LRCH1: variants seen among roughly 807,000 people sequenced by gnomAD.
LRCH1 encodes the protein leucine rich repeats and calponin homology domain containing 1.
Under a neutral mutation model 94.9 loss-of-function variants are expected in LRCH1, and 23 were observed. The ratio of observed to expected loss-of-function variants is 0.24; its 90% CI spans 0.17 to 0.34. The LOEUF (loss-of-function observed/expected upper bound fraction) is 0.34. Among genes scored for constraint, LRCH1 ranks in the 10% least tolerant of loss-of-function variants. The probability of loss-of-function intolerance (pLI) is 1.00; values close to 1 mark genes in which losing one functional copy is unlikely to be tolerated. For missense variants in LRCH1, 790 were observed against 945.9 expected (o/e 0.84, Z 2.16); for synonymous variants, 364 against 354.9 (o/e 1.03, Z -0.29).
chr13:46,722,516 G>A (rs1371802256), intron 16 of LRCH1, among the ~76,000 whole-genome samples: 1 of 152,226 alleles, frequency 6.6e-6, no homozygotes, highest in East Asian at 1.9e-4. Context: ...GGAAGGGCAT[G>A]TGTTTTCTCA....
intron 1 of LRCH1, among the ~76,000 whole-genome samples, chr13:46,621,752 G>A (rs1369651595): frequency 6.6e-6 from 1 of 152,186 alleles, no homozygotes; most frequent in Non-Finnish European, 1.5e-5. Flanking sequence ...AGTATAATAA[G>A]AGAGTTAGTA....
chr13:46,577,397 C>T (rs1192792072), intron 1 of LRCH1, among the ~76,000 whole-genome samples: 1 of 152,176 alleles, frequency 6.6e-6, no homozygotes, highest in Admixed American at 6.5e-5. Context: ...TGCACCTGGC[C>T]CCCAGTTCTT....
Position 46,743,597 on chromosome 13 carries a change from T to C in LRCH1, c.*1749T>C, listed in dbSNP as rs759337128. Reference sequence around the variant, plus strand: ...TTAATAAACACATTTTGGGTGATTATTCCAAGTTTTTATCAGCCCATTGAT... The same window carrying C: ...TTAATAAACACATTTTGGGTGATTACTCCAAGTTTTTATCAGCCCATTGAT... On this transcript the variant is annotated 3_prime_UTR_variant, in exon 20 of 20. Transcript: ENST00000389797. The C allele has an allele frequency of 4.9e-5, 48 of 985,600 alleles. No homozygotes were observed. The highest frequency in any genetic ancestry group is 5.7e-5 in the Non-Finnish European group (47 of 829,936). The allele number at this position is 985,600 out of a possible 1,614,324, so 61.1% of individuals were successfully genotyped here. A position where few individuals can be genotyped will look rare whatever the true frequency, so the allele number is the denominator to read the frequency against.
chr13:46,720,861 G>A (rs1482617778), intron 16 of LRCH1, among the ~76,000 whole-genome samples: 1 of 152,100 alleles, frequency 6.6e-6, no homozygotes, highest in Non-Finnish European at 1.5e-5. Flanking sequence ...ATTGCCTTAA[G>A]TTCTCTTATA....
intron 2 of LRCH1, among the ~76,000 whole-genome samples, chr13:46,667,274 G>A (rs2051529551): frequency 1.3e-5 from 2 of 152,080 alleles, no homozygotes; most frequent in African/African-American, 4.8e-5. Context: ...AGATTAGAAA[G>A]GTTCTTTCCA....
chr13:46,641,502 G>A (rs1276191889), intron 1 of LRCH1, among the ~76,000 whole-genome samples: 1 of 152,176 alleles, frequency 6.6e-6, no homozygotes, highest in Non-Finnish European at 1.5e-5. Flanking sequence ...GGAGTGTTAA[G>A]ATTCTGAAAG....
At chr13:46,560,603 C>G (rs1215160313) in intron 1 of LRCH1, among the ~76,000 whole-genome samples, 1 of 152,068 alleles carries the variant, frequency 6.6e-6, no homozygotes, top group East Asian at 1.9e-4. Context: ...AGTGAATAAT[C>G]TTTTTTAATG....
At chr13:46,738,555 T>G (rs1873501309) in intron 19 of LRCH1, among the ~76,000 whole-genome samples, 1 of 152,208 alleles carries the variant, frequency 6.6e-6, no homozygotes, top group South Asian at 2.1e-4. Context: ...GCTACTGTTT[T>G]TTTGTTTTAA....
chr13:46,638,986 T>A (rs1470634822), intron 1 of LRCH1, among the ~76,000 whole-genome samples: 1 of 152,238 alleles, frequency 6.6e-6, no homozygotes, highest in Admixed American at 6.5e-5. Context: ...TGTAATAGAC[T>A]GTTTCACGGT....
intron 1 of LRCH1, among the ~76,000 whole-genome samples, chr13:46,574,822 G>GTTTTTTTT (rs754195815): frequency 4.3e-5 from 3 of 69,410 alleles, no homozygotes; most frequent in African/African-American, 7.1e-5. Flanking sequence ...TGTGTGTGGG[G>GTTTTTTTT]TTTTTTTTTT....
intron 3 of LRCH1, among the ~76,000 whole-genome samples, chr13:46,679,216 A>G (rs941879387): frequency 3.3e-5 from 5 of 152,240 alleles, no homozygotes; most frequent in African/African-American, 1.2e-4. Context: ...GTATCTGGTC[A>G]TGAGTTCCAT....
chr13:46,713,543 G>T (rs1344164780), intron 15 of LRCH1, among the ~76,000 whole-genome samples: 1 of 152,226 alleles, frequency 6.6e-6, no homozygotes, highest in Non-Finnish European at 1.5e-5. Context: ...TGATTGATGG[G>T]TAACAAGTGG....
rs58801835 is a variant in LRCH1, at chr13:46,663,335, T to TTTG, written c.453-5679_453-5677dup. Among the ~76,000 whole-genome samples the TTTG allele has an allele frequency of 3.7e-3, 560 of 151,614 alleles. 9 individuals are homozygous for TTTG. Among genetic ancestry groups the TTTG allele is most frequent in the African/African-American group, 0.013 (535 of 41,362 alleles). ...TCACCAGGCAACTGAAAGCAAAGCT[T>TTTG]TTGTTGTTGTTGTTGTTGCTCATTG... On this transcript the variant is annotated intron_variant, in intron 2 of 19. Coordinates refer to ENST00000389797, the MANE Select transcript of LRCH1 (RefSeq NM_001164211.2).
intron 1 of LRCH1, among the ~76,000 whole-genome samples, chr13:46,582,594 C>T (rs1360638686): frequency 6.8e-6 from 1 of 147,558 alleles, no homozygotes; most frequent in Non-Finnish European, 1.5e-5. Context: ...AGGTGATCCT[C>T]CCACCTTAGC....
chr13:46,553,473 C>T lies in LRCH1; in HGVS notation c.77C>T (p.Pro26Leu). 1 of 1,548,058 alleles carries T rather than the reference C, an allele frequency of 6.5e-7. No homozygotes were observed. Among genetic ancestry groups the T allele is most frequent in the Non-Finnish European group, 8.7e-7 (1 of 1,145,448 alleles). The change falls in exon 1 of 20, where the codon CCC (proline) becomes CTC (leucine). Residue 26 changes from proline (P) to leucine (L), a missense_variant. Physicochemically the swap from Pro to Leu is moderately conservative, Grantham distance 98. This residue lies in a region of LRCH1 where 136 missense variants were observed against 143.5 expected (regional missense o/e 0.95). Coordinates refer to ENST00000389797, the MANE Select transcript of LRCH1 (RefSeq NM_001164211.2). ...GCTACTCTGCACCCACTTCATCATC[C>T]CCACCACCACCACCACCACCATCAG... ...SVATLHPLHH[P>L]HHHHHHHQHH... is the part of the protein sequence containing the mutation.
intron 19 of LRCH1, among the ~76,000 whole-genome samples, chr13:46,737,316 T>C (rs945532524): frequency 2.0e-5 from 3 of 152,214 alleles, no homozygotes; most frequent in Non-Finnish European, 4.4e-5. Flanking sequence ...CTCAAGCTGG[T>C]CTCGAACTCC....
At chr13:46,747,429 G>C (rs1273638152), downstream of LRCH1, among the ~76,000 whole-genome samples, 1 of 152,200 alleles carries the variant, frequency 6.6e-6, no homozygotes, top group African/African-American at 2.4e-5. Flanking sequence ...ATCAGGCCCT[G>C]GGGTCAGTCC....
At chr13:46,563,093 T>G (rs1477619030) in intron 1 of LRCH1, among the ~76,000 whole-genome samples, 1 of 152,218 alleles carries the variant, frequency 6.6e-6, no homozygotes, top group East Asian at 1.9e-4. Context: ...TATAGTGAAT[T>G]CTGAGGGAGA....
intron 1 of LRCH1, among the ~76,000 whole-genome samples, chr13:46,636,662 A>T (rs1054888851): frequency 2.0e-5 from 3 of 151,916 alleles, no homozygotes; most frequent in African/African-American, 7.3e-5. Flanking sequence ...TGTGGCCTCC[A>T]CTTGCTGGAT....
Sources: gnomAD v4.1 joint callset for allele counts (sites outside exome capture counted in the v4.1 genomes callset) on GRCh38, gnomAD v4.1.1 for gene constraint, gnomAD v4.1.1 regional missense constraint, MANE v1.5 for transcripts, NCBI Gene and HGNC (gene_info 2026-07-23, HGNC 2026-07-21) for gene names.